Variants in CSMD3 observed in about 807,000 individuals in gnomAD.
The protein encoded by CSMD3 is CUB and Sushi multiple domains 3, also known as CUB and sushi domain-containing protein 3.
A neutral mutation model predicts 435.2 loss-of-function variants in CSMD3; 177 were observed. The observed-to-expected ratio is 0.41, with a 90% CI of 0.36 to 0.46. The LOEUF is 0.46. CSMD3 is among the 20% of genes least tolerant of loss of function. The probability of loss-of-function intolerance (pLI) is 0.34; values close to 1 mark genes in which losing one functional copy is unlikely to be tolerated. For missense variants in CSMD3, 4,265 were observed against 4,504.6 expected (o/e 0.95, Z 1.52); for synonymous variants, 1,656 against 1,520.5 (o/e 1.09, Z -2.07).
rs1821272809 is a variant in CSMD3, at chr8:112,304,866, C to T, written c.8121G>A (p.Trp2707Ter). 6.2e-7 allele frequency: 1 copy of T among 1,613,718 alleles called. No homozygotes were observed. Among genetic ancestry groups the T allele is most frequent in the Non-Finnish European group, 8.5e-7 (1 of 1,179,882 alleles). ...INSFILEHGR[W>*]RIVNGSHYEY... is the part of the protein sequence containing the mutation. ...CATAATGGGAGCCATTCACAATTCG[C>T]CATCTTCCATGTTCCAAGATAAAGG... is the stretch of plus-strand genomic sequence containing the variant. Residue 2707 changes from tryptophan to a stop codon, truncating the protein, a stop_gained, in exon 52 of 71, where the codon TGG becomes TGA. Coordinates refer to ENST00000297405, the MANE Select transcript of CSMD3 (RefSeq NM_198123.2). LOFTEE classifies it high-confidence loss of function.
intron 2 of CSMD3, among the ~76,000 whole-genome samples, chr8:113,305,526 A>T (rs1368860811): frequency 6.6e-6 from 1 of 152,172 alleles, no homozygotes; most frequent in Non-Finnish European, 1.5e-5. Context: ...CAAAGTGTTT[A>T]AACTTGCTTA....
chr8:112,478,040 G>GCT (rs922418314), intron 31 of CSMD3, among the ~76,000 whole-genome samples: 5 of 151,674 alleles, frequency 3.3e-5, no homozygotes, highest in South Asian at 4.2e-4. Flanking sequence ...CCCTGCACTA[G>GCT]CTCTCTCTCT....
At chr8:113,186,014 G>T (rs1249362711) in intron 3 of CSMD3, among the ~76,000 whole-genome samples, 1 of 151,966 alleles carries the variant, frequency 6.6e-6, no homozygotes, top group Non-Finnish European at 1.5e-5. Flanking sequence ...GACATTATGT[G>T]CCTGAGAAGG....
intron 3 of CSMD3, among the ~76,000 whole-genome samples, chr8:113,230,415 A>G (rs1433679654): frequency 6.6e-6 from 1 of 151,530 alleles, no homozygotes; most frequent in Non-Finnish European, 1.5e-5. Flanking sequence ...CTTGTATAAT[A>G]CTCAAATTTT....
chr8:112,412,496 A>T (rs1811462710), intron 32 of CSMD3, among the ~76,000 whole-genome samples: 1 of 152,136 alleles, frequency 6.6e-6, no homozygotes, highest in Non-Finnish European at 1.5e-5. Context: ...AGCTGTATAC[A>T]TCAAGCTATT....
intron 32 of CSMD3, among the ~76,000 whole-genome samples, chr8:112,410,652 G>GTATATATATGTATATATATATGTGTA (rs1554670725): frequency 7.4e-4 from 27 of 36,604 alleles, no homozygotes; most frequent in East Asian, 2.4e-3. Context: ...ATATATATGT[G>GTATATATATGTATATATATATGTGTA]TATATATATG....
At chr8:112,440,305 A>G (rs1814850897) in intron 32 of CSMD3, among the ~76,000 whole-genome samples, 1 of 152,176 alleles carries the variant, frequency 6.6e-6, no homozygotes, top group Non-Finnish European at 1.5e-5. Flanking sequence ...CATGTCTCAC[A>G]TCCAGGTTAT....
chr8:113,406,330 C>A (rs577908366), intron 1 of CSMD3, among the ~76,000 whole-genome samples: 1 of 151,730 alleles, frequency 6.6e-6, no homozygotes, highest in African/African-American at 2.4e-5. Flanking sequence ...AGAGGTAACA[C>A]TAATTTTATC....
intron 4 of CSMD3, among the ~76,000 whole-genome samples, chr8:113,156,448 T>G (rs2091930108): frequency 6.6e-6 from 1 of 152,148 alleles, no homozygotes; most frequent in Non-Finnish European, 1.5e-5. Context: ...TAATATGAAC[T>G]ATGTTGTTGT....
At chr8:113,393,894 AAAAG>A (rs781627873) in intron 1 of CSMD3, among the ~76,000 whole-genome samples, 2 of 152,024 alleles carry the variant, frequency 1.3e-5, no homozygotes, top group Non-Finnish European at 2.9e-5. Context: ...CTATGTGAAA[AAAAG>A]AGAAGAATTT....
intron 10 of CSMD3, among the ~76,000 whole-genome samples, chr8:112,912,098 T>TAA (rs911504501): frequency 4.7e-5 from 7 of 149,112 alleles, no homozygotes; most frequent in Non-Finnish European, 7.4e-5. Context: ...TATATATATA[T>TAA]AACATAACAT....
At chr8:113,263,804 T>C (rs2093446167) in intron 3 of CSMD3, among the ~76,000 whole-genome samples, 1 of 151,862 alleles carries the variant, frequency 6.6e-6, no homozygotes, top group Admixed American at 6.6e-5. Context: ...TTACAAACTA[T>C]CTTGTCCTTT....
rs184544653 is a variant in CSMD3 at position 112,777,532 on chromosome 8, C to T, written c.1972+22630G>A. Among the ~76,000 whole-genome samples, 10 of 151,810 alleles carry T rather than the reference C, an allele frequency of 6.6e-5. 1 individual carries two copies. Among genetic ancestry groups the T allele is most frequent in the Admixed American group, 6.6e-4 (10 of 15,200 alleles). ...AAAGGTGTAAGCCAAGATATTTATA[C>T]AAAGATAATTCAATTTGAGTTTCTA... On this transcript the variant is annotated intron_variant, in intron 13 of 70. Coordinates refer to ENST00000297405, the MANE Select transcript of CSMD3 (RefSeq NM_198123.2).
chr8:112,758,623 ACAC>A (rs1278147755), intron 13 of CSMD3, among the ~76,000 whole-genome samples: 1 of 152,164 alleles, frequency 6.6e-6, no homozygotes, highest in South Asian at 2.1e-4. Context: ...CTTTGTGGTT[ACAC>A]CATTTGAATT....
chr8:113,400,885 A>G (rs1402554877), intron 1 of CSMD3, among the ~76,000 whole-genome samples: 1 of 151,782 alleles, frequency 6.6e-6, no homozygotes, highest in Non-Finnish European at 1.5e-5. Flanking sequence ...GTTGGAGAGT[A>G]TTTATAATTA....
intron 1 of CSMD3, among the ~76,000 whole-genome samples, chr8:113,331,218 G>C (rs1449313024): frequency 2.0e-5 from 3 of 151,254 alleles, no homozygotes; most frequent in Non-Finnish European, 4.4e-5. Flanking sequence ...CAAATTCCTA[G>C]AATGACCCAA....
chr8:112,827,207 A>ATG (rs2079722410), intron 12 of CSMD3, among the ~76,000 whole-genome samples: 2 of 122,664 alleles, frequency 1.6e-5, no homozygotes, highest in African/African-American at 6.3e-5. Context: ...ATATATATAT[A>ATG]ATCTTTCTAC....
chr8:113,056,323 T>G (rs779027920), intron 5 of CSMD3, among the ~76,000 whole-genome samples: 21 of 152,174 alleles, frequency 1.4e-4, no homozygotes, highest in Non-Finnish European at 2.5e-4. Context: ...AAACTTTCAA[T>G]GACAGCAGAA....
intron 7 of CSMD3, 125 bp downstream of exon 7, chr8:112,975,712 C>G: frequency 6.9e-7 from 1 of 1,458,228 alleles, no homozygotes. Flanking sequence ...TTTTCAGCTA[C>G]TTTGAACTTT....
Sources: allele counts gnomAD v4.1 joint callset (sites outside exome capture counted in the v4.1 genomes callset), GRCh38; gene constraint gnomAD v4.1.1; transcripts MANE v1.5; gene names NCBI Gene and HGNC (gene_info 2026-07-23, HGNC 2026-07-21).